DLGAP2: variants seen among roughly 807,000 people sequenced by gnomAD.
The protein encoded by DLGAP2 is DLG associated protein 2.
Under a neutral mutation model 100.3 loss-of-function variants are expected in DLGAP2, and 26 were observed. That is an observed-to-expected ratio of 0.26 (90% CI 0.19 to 0.36). The LOEUF is 0.36. DLGAP2 is among the 10% of genes least tolerant of loss of function. The pLI is 1.00. For synonymous variants in DLGAP2, 886 were observed against 630.1 expected (o/e 1.41, Z -6.08); for missense variants, 1,858 against 1,453.2 (o/e 1.28, Z -4.53).
At chr8:1,449,674 C>T (rs1191880862) in intron 3 of DLGAP2, among the ~76,000 whole-genome samples, 1 of 152,212 alleles carries the variant, frequency 6.6e-6, no homozygotes, top group Non-Finnish European at 1.5e-5. Flanking sequence ...AAGGCTTCAG[C>T]AGAAGGTGGG....
intron 1 of DLGAP2, among the ~76,000 whole-genome samples, chr8:901,905 T>C (rs1029168686): frequency 2.0e-5 from 3 of 152,224 alleles, no homozygotes; most frequent in Non-Finnish European, 1.5e-5. Context: ...GCTGGACATC[T>C]GTGGCTCAGT....
intron 3 of DLGAP2, among the ~76,000 whole-genome samples, chr8:1,268,985 G>C (rs889238240): frequency 6.6e-6 from 1 of 152,202 alleles, no homozygotes; most frequent in Non-Finnish European, 1.5e-5. Flanking sequence ...CTCAGCCGTA[G>C]TCCTTGGTCT....
intron 1 of DLGAP2, among the ~76,000 whole-genome samples, chr8:879,695 G>C (rs558318037): frequency 6.6e-6 from 1 of 152,186 alleles, no homozygotes; most frequent in African/African-American, 2.4e-5. Flanking sequence ...TTTGTCACTT[G>C]GCAAAATTCC....
chr8:1,287,961 T>G (rs1164129114), intron 3 of DLGAP2, among the ~76,000 whole-genome samples: 85 of 67,412 alleles, frequency 1.3e-3, no homozygotes, highest in South Asian at 3.0e-3. Flanking sequence ...TGTGTGTGGT[T>G]GTTAGGGGAA....
chr8:1,135,231 A>T (rs1796379766), intron 2 of DLGAP2, among the ~76,000 whole-genome samples: 1 of 152,126 alleles, frequency 6.6e-6, no homozygotes. Flanking sequence ...TTGCTTTTTA[A>T]CAAATACATG....
intron 2 of DLGAP2, among the ~76,000 whole-genome samples, chr8:1,156,610 C>CCCAGCCCAGCGCT (rs200103260): frequency 2.6e-4 from 7 of 27,356 alleles, no homozygotes; most frequent in East Asian, 7.7e-4. Context: ...AGCCTAGCGT[C>CCCAGCCCAGCGCT]CCAGCCCAGC....
At chr8:1,496,798 G>T (rs1363927494) in intron 3 of DLGAP2, among the ~76,000 whole-genome samples, 1 of 152,188 alleles carries the variant, frequency 6.6e-6, no homozygotes, top group Non-Finnish European at 1.5e-5. Context: ...CACCGCACAC[G>T]CCATCCGCAC....
At chr8:1,526,616 G>C (rs571788735) in intron 4 of DLGAP2, among the ~76,000 whole-genome samples, 2 of 152,298 alleles carry the variant, frequency 1.3e-5, no homozygotes, top group Admixed American at 1.3e-4. Context: ...GCTGAGTTCT[G>C]CCACTGAAGA....
intron 2 of DLGAP2, among the ~76,000 whole-genome samples, chr8:1,078,166 G>A (rs559229819): frequency 4.6e-5 from 7 of 152,108 alleles, no homozygotes; most frequent in African/African-American, 1.7e-4. Context: ...CTCCAGAGAC[G>A]CTCTCCTGGT....
rs532678119 is a variant in DLGAP2, at chr8:1,184,565, C to T, written c.74-74286C>T. Among the ~76,000 whole-genome samples, 46 of 152,294 alleles carry T rather than the reference C, an allele frequency of 3.0e-4. 1 individual carries two copies. The highest frequency in any genetic ancestry group is 8.9e-4 in the African/African-American group (37 of 41,568). ...ACTGCGAATTCTAGTGACCACAGAA[C>T]GGGTGGTCGACCTGCATCTTAAACT... On this transcript the variant is annotated intron_variant, in intron 2 of 14. Coordinates refer to ENST00000637795, the MANE Select transcript of DLGAP2 (RefSeq NM_001346810.2).
intron 8 of DLGAP2, among the ~76,000 whole-genome samples, chr8:1,645,918 C>A (rs947511436): frequency 1.3e-5 from 2 of 152,196 alleles, no homozygotes; most frequent in South Asian, 4.1e-4. Context: ...ACGTCATATT[C>A]CAGCCTTGTC....
chr8:863,182 C>T (rs982032076), intron 1 of DLGAP2, among the ~76,000 whole-genome samples: 1 of 152,122 alleles, frequency 6.6e-6, no homozygotes. Context: ...GGTTAAGGGA[C>T]CAGCCTATTT....
intron 2 of DLGAP2, among the ~76,000 whole-genome samples, chr8:1,104,480 G>A (rs1170247482): frequency 6.6e-6 from 1 of 152,180 alleles, no homozygotes. Context: ...GATGCCTTAG[G>A]GGTGGGCGTG....
chr8:960,004 G>A (rs1799685813), intron 2 of DLGAP2, among the ~76,000 whole-genome samples: 1 of 152,096 alleles, frequency 6.6e-6, no homozygotes, highest in South Asian at 2.1e-4. Context: ...GCAATAAACT[G>A]ATGTTTGAGG....
At chr8:962,047 G>A (rs1799736874) in intron 2 of DLGAP2, among the ~76,000 whole-genome samples, 1 of 152,176 alleles carries the variant, frequency 6.6e-6, no homozygotes, top group Non-Finnish European at 1.5e-5. Flanking sequence ...TAATTTAAGT[G>A]TAATCATTAA....
At chr8:1,647,651 C>A (rs1044389736) in intron 8 of DLGAP2, among the ~76,000 whole-genome samples, 1 of 152,138 alleles carries the variant, frequency 6.6e-6, no homozygotes, top group African/African-American at 2.4e-5. Flanking sequence ...CTTATCATCA[C>A]TGAAGAGTTC....
chr8:1,672,886 G>A (rs545472835), intron 10 of DLGAP2, among the ~76,000 whole-genome samples: 10 of 152,316 alleles, frequency 6.6e-5, no homozygotes, highest in Non-Finnish European at 1.0e-4. Flanking sequence ...CGGAAAATGA[G>A]CTTGTTGGGA....
intron 3 of DLGAP2, among the ~76,000 whole-genome samples, chr8:1,476,975 T>C (rs1798950539): frequency 6.6e-6 from 1 of 152,080 alleles, no homozygotes; most frequent in African/African-American, 2.4e-5. Flanking sequence ...CATTGTGATC[T>C]GTATGCTTTG....
chr8:1,488,800 G>C (rs1563178793), intron 3 of DLGAP2, among the ~76,000 whole-genome samples: 1 of 152,178 alleles, frequency 6.6e-6, no homozygotes, highest in Non-Finnish European at 1.5e-5. Context: ...GGCAGCTGCA[G>C]TCAGTGACTA....
Sources: gnomAD v4.1 joint callset for allele counts (sites outside exome capture counted in the v4.1 genomes callset) on GRCh38, gnomAD v4.1.1 for gene constraint, MANE v1.5 for transcripts, NCBI Gene and HGNC (gene_info 2026-07-23, HGNC 2026-07-21) for gene names.